Variants in XIST observed in about 807,000 individuals in gnomAD.
The protein encoded by XIST is X inactive specific transcript, also known as X inactive specific transcript (non-protein coding).
chrX:73,821,632 A>T (rs745526099), exon 6 of XIST: 23 of 554,739 alleles, frequency 4.1e-5, no homozygotes, highest in Admixed American at 2.0e-4. Context: ...ATTCAGAACA[A>T]AGGCAGGTTG....
chrX:73,832,903 G>A (rs1359743329), intron 3 of XIST, among the ~76,000 whole-genome samples: 4 of 111,213 alleles, frequency 3.6e-5, no homozygotes, highest in Non-Finnish European at 7.5e-5. Flanking sequence ...CTTTTTAAGA[G>A]ACTGGGTCCC....
At chrX:73,824,461 G>T in exon 6 of XIST, 1 of 557,558 alleles carries the variant, frequency 1.8e-6, no homozygotes, top group Non-Finnish European at 3.2e-6. Context: ...GTGGCTAAAT[G>T]AAATATGATA....
At chrX:73,848,176 A>T (rs759889977) in exon 1 of XIST, 1 of 557,836 alleles carries the variant, frequency 1.8e-6, no homozygotes, top group Non-Finnish European at 3.2e-6. Context: ...AATGGAAAAG[A>T]CCATAATTGC....
exon 1 of XIST, chrX:73,850,645 A>G (rs1922897691): frequency 2.0e-6 from 1 of 491,790 alleles, no homozygotes; most frequent in African/African-American, 2.7e-5. Flanking sequence ...GGCCTGGAGC[A>G]CTGCCCATGG....
exon 1 of XIST, chrX:73,851,626 A>G: frequency 1.8e-6 from 1 of 558,910 alleles, no homozygotes; most frequent in East Asian, 3.2e-5. Context: ...CTGATAAAAG[A>G]TGATTCTTAC....
At chrX:73,838,513 T>A (rs769160631) in intron 1 of XIST, among the ~76,000 whole-genome samples, 1 of 111,290 alleles carries the variant, frequency 9.0e-6, no homozygotes, top group African/African-American at 3.3e-5. Flanking sequence ...AATCAAAAGT[T>A]ATTTCTAATA....
chrX:73,841,897 A>G (rs2147703475), exon 1 of XIST: 1 of 515,525 alleles, frequency 1.9e-6, no homozygotes, highest in African/African-American at 2.3e-5. Flanking sequence ...CAGGTGCTCC[A>G]GATGAAGAAA....
exon 6 of XIST, chrX:73,824,137 C>T (rs1319889969): frequency 1.9e-6 from 1 of 525,026 alleles, no homozygotes; most frequent in Non-Finnish European, 3.4e-6. Context: ...ATTGATTTTA[C>T]ACATATTTTC....
chrX:73,825,387 C>G, exon 6 of XIST: 1 of 558,118 alleles, frequency 1.8e-6, no homozygotes, highest in Non-Finnish European at 3.2e-6. Context: ...TTTGTATCCA[C>G]AACGCTTATC....
At chrX:73,822,986 AAGCACTTAAGAAC>A in exon 6 of XIST, 2 of 558,780 alleles carry the variant, frequency 3.6e-6, no homozygotes, top group East Asian at 3.2e-5. Flanking sequence ...TACGTCTTTC[AAGCACTTAAGAAC>A]AGCACTTTAT....
chrX:73,821,111 G>A (rs749844572), exon 6 of XIST: 1 of 556,810 alleles, frequency 1.8e-6, no homozygotes, highest in Admixed American at 2.2e-5. Flanking sequence ...AGAAAGGGGT[G>A]TTACTGAGTC....
exon 1 of XIST, chrX:73,847,452 G>A (rs1365447508): frequency 2.0e-6 from 1 of 511,558 alleles, no homozygotes; most frequent in East Asian, 3.6e-5. Flanking sequence ...ACTCCTGGCA[G>A]TAAGGGATCT....
chrX:73,847,332 C>T (rs1039241940), exon 1 of XIST: 3 of 529,142 alleles, frequency 5.7e-6, no homozygotes, highest in Non-Finnish European at 1.0e-5. Context: ...AGAAGAAGCA[C>T]TAGCTAGTTA....
exon 1 of XIST, chrX:73,850,980 C>T (rs1922923428): frequency 3.6e-6 from 2 of 557,793 alleles, no homozygotes; most frequent in Admixed American, 4.4e-5. Flanking sequence ...CGTGGCCCCT[C>T]CACTTCTTTC....
At chrX:73,831,054 C>G in intron 4 of XIST, 2 of 555,836 alleles carry the variant, frequency 3.6e-6, no homozygotes, top group African/African-American at 2.2e-5. Context: ...CTTTTAGGGA[C>G]AGCTTACGCA....
chrX:73,848,618 G>A, exon 1 of XIST: 2 of 558,124 alleles, frequency 3.6e-6, no homozygotes, highest in South Asian at 4.5e-5. Context: ...AATTGCAACT[G>A]TGCAAATTAA....
chrX:73,829,435 C>T (rs956915493), intron 4 of XIST: 2 of 356,746 alleles, frequency 5.6e-6, no homozygotes, highest in African/African-American at 2.6e-5. Context: ...AAATGTCTTG[C>T]CAAATATCAC....
At chrX:73,827,530 A>T in exon 6 of XIST, 1 of 540,542 alleles carries the variant, frequency 1.9e-6, no homozygotes, top group Non-Finnish European at 3.3e-6. Context: ...GAGAGGCAGA[A>T]AGGAAATGCA....
exon 1 of XIST, chrX:73,842,540 G>C (rs752885802): frequency 3.6e-6 from 2 of 556,780 alleles, no homozygotes; most frequent in Non-Finnish European, 6.5e-6. Context: ...GTTCAGGCCT[G>C]CTTTTCATAG....
Sources: gnomAD v4.1 joint callset for allele counts (sites outside exome capture counted in the v4.1 genomes callset) on GRCh38, gnomAD v4.1.1 for gene constraint, MANE v1.5 for transcripts, NCBI Gene and HGNC (gene_info 2026-07-23, HGNC 2026-07-21) for gene names.